PTPRD: variants seen among roughly 807,000 people sequenced by gnomAD.
PTPRD encodes the protein receptor-type tyrosine-protein phosphatase delta.
Under a neutral mutation model 214.5 loss-of-function variants are expected in PTPRD, and 34 were observed. The ratio of observed to expected loss-of-function variants is 0.16; its 90% CI spans 0.12 to 0.21. The LOEUF is 0.21. Ranked by LOEUF, PTPRD falls within the 10% of genes least tolerant of loss-of-function variation. The pLI is 1.00. For missense variants in PTPRD, 2,545 were observed against 2,398.7 expected, an observed-to-expected ratio of 1.06 and a Z score of -1.27; for synonymous variants, 1,128 against 845.7, an observed-to-expected ratio of 1.33 and a Z score of -5.79.
intron 3 of PTPRD, among the ~76,000 whole-genome samples, chr9:10,123,629 A>C (rs968711301): frequency 6.6e-6 from 1 of 152,192 alleles, no homozygotes; most frequent in African/African-American, 2.4e-5. Flanking sequence ...TGGACTTTTA[A>C]AAGATGAGGG....
At chr9:9,343,694 C>T (rs1195696695) in intron 9 of PTPRD, among the ~76,000 whole-genome samples, 2 of 151,558 alleles carry the variant, frequency 1.3e-5, no homozygotes, top group Admixed American at 1.3e-4. Context: ...AAAAATGTTT[C>T]ATTCGAAAAT....
intron 44 of PTPRD, among the ~76,000 whole-genome samples, chr9:8,326,036 C>T (rs1833350002): frequency 6.6e-6 from 1 of 152,172 alleles, no homozygotes; most frequent in South Asian, 2.1e-4. Flanking sequence ...TTGACTTCCA[C>T]TTTTTCTAAT....
intron 2 of PTPRD, among the ~76,000 whole-genome samples, chr9:10,487,482 G>T (rs781279731): frequency 7.2e-5 from 11 of 151,940 alleles, no homozygotes; most frequent in Non-Finnish European, 1.2e-4. Context: ...TTTGGTTTGA[G>T]TTTACCATGA....
intron 11 of PTPRD, among the ~76,000 whole-genome samples, chr9:8,753,208 C>T (rs1272925677): frequency 6.6e-6 from 1 of 152,144 alleles, no homozygotes; most frequent in Non-Finnish European, 1.5e-5. Context: ...TGCCACATAG[C>T]TCAGGGACAG....
At chr9:9,039,668 C>G (rs1793034352) in intron 10 of PTPRD, among the ~76,000 whole-genome samples, 1 of 152,114 alleles carries the variant, frequency 6.6e-6, no homozygotes, top group Admixed American at 6.5e-5. Context: ...GTTATTGACC[C>G]CTGATAATTC....
chr9:8,416,576 T>A (rs1338027903), intron 35 of PTPRD, among the ~76,000 whole-genome samples: 1 of 152,138 alleles, frequency 6.6e-6, no homozygotes, highest in Non-Finnish European at 1.5e-5. Context: ...GGGGATTTTG[T>A]GAAATCCATA....
chr9:10,413,824 T>C lies in PTPRD; in HGVS notation c.-599-72807A>G, dbSNP rs951125133. 8.6e-5 allele frequency among the ~76,000 whole-genome samples: 13 copies of C among 151,976 alleles called. 2 individuals carry two copies. The highest frequency in any genetic ancestry group is 8.5e-4 in the Admixed American group (13 of 15,210). ...AGGCTGTTCACCTATGACCATCTGATCCTCAACAAAGCTGACAAAAACAAG... is the reference window on the plus strand; with the variant it reads ...AGGCTGTTCACCTATGACCATCTGACCCTCAACAAAGCTGACAAAAACAAG... On this transcript the variant is annotated intron_variant, in intron 2 of 45. Coordinates refer to ENST00000381196, the MANE Select transcript of PTPRD (RefSeq NM_002839.4).
rs113824593 is a variant in PTPRD at position 9,651,250 on chromosome 9, A to T, written c.-286-76469T>A. Among the ~76,000 whole-genome samples the T allele has an allele frequency of 9.5e-3, 1,435 of 150,294 alleles. 7 individuals are homozygous for T. The highest frequency in any genetic ancestry group is 0.015 in the Non-Finnish European group (999 of 67,968). ...ATAACACCAATAACATCTTTTTTTT[A>T]AACTTTTAAGTTCAAGGATACAAGT... On this transcript the variant is annotated intron_variant, in intron 7 of 45. Transcript: ENST00000381196.
intron 12 of PTPRD, among the ~76,000 whole-genome samples, chr9:8,661,340 A>T (rs187832179): frequency 6.6e-6 from 1 of 152,106 alleles, no homozygotes; most frequent in Non-Finnish European, 1.5e-5. Context: ...AGTATTCAAA[A>T]TCAGTCTCTT....
At chr9:9,704,257 CTTT>C (rs903704693) in intron 7 of PTPRD, among the ~76,000 whole-genome samples, 1 of 150,630 alleles carries the variant, frequency 6.6e-6, no homozygotes, top group East Asian at 1.9e-4. Flanking sequence ...CTTCTTTTTT[CTTT>C]TTTTTTGTCA....
intron 2 of PTPRD, among the ~76,000 whole-genome samples, chr9:10,581,554 C>T (rs1412319670): frequency 6.6e-6 from 1 of 152,106 alleles, no homozygotes; most frequent in African/African-American, 2.4e-5. Flanking sequence ...ATAATTTCTG[C>T]TAATTTAGAA....
At chr9:9,722,061 CTTT>C (rs1268604344) in intron 7 of PTPRD, among the ~76,000 whole-genome samples, 1 of 151,688 alleles carries the variant, frequency 6.6e-6, no homozygotes, top group African/African-American at 2.4e-5. Context: ...TTTTTTCTCC[CTTT>C]TTAAGGAATC....
chr9:9,368,452 A>G (rs2058494306), intron 9 of PTPRD, among the ~76,000 whole-genome samples: 1 of 151,872 alleles, frequency 6.6e-6, no homozygotes, highest in African/African-American at 2.4e-5. Context: ...GAGATGTAAC[A>G]TATTTCCTTT....
At chr9:10,464,995 C>T (rs567039190) in intron 2 of PTPRD, among the ~76,000 whole-genome samples, 1 of 152,052 alleles carries the variant, frequency 6.6e-6, no homozygotes, top group African/African-American at 2.4e-5. Flanking sequence ...TGAATCACAA[C>T]CAATATTGCT....
intron 2 of PTPRD, among the ~76,000 whole-genome samples, chr9:10,497,485 A>C (rs2042404350): frequency 6.6e-6 from 1 of 152,020 alleles, no homozygotes; most frequent in African/African-American, 2.4e-5. Context: ...GAATGATTGC[A>C]GGAGGTTAGT....
At chr9:8,953,590 C>A (rs1288056455) in intron 11 of PTPRD, among the ~76,000 whole-genome samples, 1 of 151,934 alleles carries the variant, frequency 6.6e-6, no homozygotes, top group Non-Finnish European at 1.5e-5. Flanking sequence ...TGTTCACAAA[C>A]TATGCATCTC....
chr9:8,809,490 C>G (rs2096756972), intron 11 of PTPRD, among the ~76,000 whole-genome samples: 1 of 152,158 alleles, frequency 6.6e-6, no homozygotes, highest in Admixed American at 6.5e-5. Context: ...AAGAAGCTGT[C>G]TGCTTTCCAT....
intron 11 of PTPRD, among the ~76,000 whole-genome samples, chr9:8,808,785 T>A (rs1377539780): frequency 6.6e-6 from 1 of 152,170 alleles, no homozygotes; most frequent in East Asian, 1.9e-4. Context: ...TAATAGTTCT[T>A]CCTAGGACCC....
intron 2 of PTPRD, among the ~76,000 whole-genome samples, chr9:10,594,824 A>C (rs1450053331): frequency 2.0e-5 from 3 of 152,006 alleles, no homozygotes; most frequent in Non-Finnish European, 2.9e-5. Context: ...CGAAGTGTAG[A>C]TACACATTTC....
Sources: gnomAD v4.1 joint callset for allele counts (sites outside exome capture counted in the v4.1 genomes callset) on GRCh38, gnomAD v4.1.1 for gene constraint, MANE v1.5 for transcripts, NCBI Gene and HGNC (gene_info 2026-07-23, HGNC 2026-07-21) for gene names.